The following PRDM6 variants were observed in gnomAD, a reference collection of about 807,000 sequenced individuals.
PRDM6 encodes the protein putative histone-lysine N-methyltransferase PRDM6.
PRDM6 carries 25 observed loss-of-function variants against 60.8 expected under a neutral mutation model. That is an observed-to-expected ratio of 0.41 (90% CI 0.30 to 0.57). The LOEUF (loss-of-function observed/expected upper bound fraction) is 0.57. PRDM6 is among the 20% of genes least tolerant of loss of function. The pLI, the probability that PRDM6 is intolerant of heterozygous loss-of-function variation, is 0.27. For synonymous variants in PRDM6, 407 were observed against 357.4 expected, an observed-to-expected ratio of 1.14 and a Z score of -1.57; for missense variants, 839 against 821.3, an observed-to-expected ratio of 1.02 and a Z score of -0.26.
chr5:123,168,166 T>C (rs892300924), intron 5 of PRDM6, among the ~76,000 whole-genome samples: 2 of 152,256 alleles, frequency 1.3e-5, no homozygotes, highest in Non-Finnish European at 2.9e-5. Context: ...ATATTGATTA[T>C]ATTCTTTTGC....
intron 2 of PRDM6, among the ~76,000 whole-genome samples, chr5:123,098,383 C>T (rs988542564): frequency 6.6e-6 from 1 of 152,244 alleles, no homozygotes; most frequent in African/African-American, 2.4e-5. Context: ...GGCTGGGTCG[C>T]GCCGGCGGGC....
chr5:123,154,501 A>G (rs1156718183), intron 3 of PRDM6, among the ~76,000 whole-genome samples: 1 of 152,168 alleles, frequency 6.6e-6, no homozygotes, highest in East Asian at 1.9e-4. Context: ...GTTCAAGAAA[A>G]GCAAAAAATA....
At chr5:123,103,303 C>T (rs1024213801) in intron 3 of PRDM6, among the ~76,000 whole-genome samples, 3 of 151,610 alleles carry the variant, frequency 2.0e-5, no homozygotes, top group Non-Finnish European at 4.4e-5. Context: ...TTGCTAGTTT[C>T]TTTTAGAATC....
At chr5:123,098,654 A>T (rs1450082026) in intron 2 of PRDM6, among the ~76,000 whole-genome samples, 1 of 152,150 alleles carries the variant, frequency 6.6e-6, no homozygotes, top group Admixed American at 6.5e-5. Flanking sequence ...CTTTATCTAC[A>T]GCTTCACCCA....
intron 3 of PRDM6, among the ~76,000 whole-genome samples, chr5:123,148,744 T>G (rs1253365312): frequency 1.3e-5 from 2 of 152,238 alleles, no homozygotes; most frequent in Non-Finnish European, 2.9e-5. Flanking sequence ...AAAATAGAAA[T>G]TTGATTGATA....
Position 123,093,515 on chromosome 5 carries a change from G to T in PRDM6, c.592+2909G>T, listed in dbSNP as rs192713276. Reference sequence around the variant, plus strand: ...GCTTTTCCAGTATGTTCCTAACTCCGTATCAGTTTACCCTGTGACTGAAGT... The same window carrying T: ...GCTTTTCCAGTATGTTCCTAACTCCTTATCAGTTTACCCTGTGACTGAAGT... On this transcript the variant is annotated intron_variant, in intron 2 of 7. Coordinates refer to ENST00000407847, the MANE Select transcript of PRDM6 (RefSeq NM_001136239.4). 4.1e-4 allele frequency among the ~76,000 whole-genome samples: 62 copies of T among 152,284 alleles called. 1 individual carries two copies. Among genetic ancestry groups the T allele is most frequent in the African/African-American group, 1.5e-3 (62 of 41,532 alleles).
At chr5:123,112,377 A>G (rs1764333133) in intron 3 of PRDM6, among the ~76,000 whole-genome samples, 2 of 152,138 alleles carry the variant, frequency 1.3e-5, no homozygotes, top group African/African-American at 4.8e-5. Flanking sequence ...CTTGCATGAC[A>G]TTTGTGATTT....
chr5:123,148,802 G>C (rs765425493), intron 3 of PRDM6, among the ~76,000 whole-genome samples: 21 of 152,246 alleles, frequency 1.4e-4, no homozygotes, highest in Non-Finnish European at 2.8e-4. Context: ...CTCATTTGGA[G>C]AATTTCAGTT....
chr5:123,156,114 C>G, intron 4 of PRDM6, 103 bp downstream of exon 4: 1 of 1,156,788 alleles, frequency 8.6e-7, no homozygotes, highest in Non-Finnish European at 1.2e-6. Flanking sequence ...CTGCAGAACT[C>G]TGCAAGGACT....
chr5:123,165,500 C>G (rs1394861887), intron 5 of PRDM6, among the ~76,000 whole-genome samples: 1 of 152,204 alleles, frequency 6.6e-6, no homozygotes, highest in African/African-American at 2.4e-5. Flanking sequence ...TTCACACTTT[C>G]TTTCTTTAGT....
chr5:123,143,993 T>C (rs1765180633), intron 3 of PRDM6, among the ~76,000 whole-genome samples: 1 of 152,204 alleles, frequency 6.6e-6, no homozygotes, highest in East Asian at 1.9e-4. Context: ...CCTGTCAGTC[T>C]ATCTCTGTGA....
intron 5 of PRDM6, among the ~76,000 whole-genome samples, chr5:123,165,446 C>T (rs771608083): frequency 1.5e-4 from 23 of 152,234 alleles, no homozygotes; most frequent in Non-Finnish European, 3.2e-4. Flanking sequence ...ACTAGTGTCA[C>T]CATCCACTCT....
At chr5:123,151,457 C>G (rs1580520747) in intron 3 of PRDM6, among the ~76,000 whole-genome samples, 1 of 152,272 alleles carries the variant, frequency 6.6e-6, no homozygotes, top group East Asian at 1.9e-4. Context: ...AGGAAGGCCT[C>G]AGCACACTCC....
chr5:123,109,753 A>G (rs1176231727), intron 3 of PRDM6, among the ~76,000 whole-genome samples: 2 of 152,236 alleles, frequency 1.3e-5, no homozygotes, highest in Admixed American at 1.3e-4. Flanking sequence ...ACCTGATTTC[A>G]GTAAGCAAAA....
At chr5:123,115,990 C>T (rs1764433701) in intron 3 of PRDM6, among the ~76,000 whole-genome samples, 1 of 152,194 alleles carries the variant, frequency 6.6e-6, no homozygotes, top group South Asian at 2.1e-4. Context: ...GTAGGAATAA[C>T]AGTGATCATT....
Position 123,191,531 on chromosome 5 carries a change from C to G in PRDM6, c.*4330C>G, listed in dbSNP as rs1158739264. 2.0e-5 allele frequency: 3 copies of G among 152,126 alleles called. No individual in the cohort carries two copies. Among genetic ancestry groups the G allele is most frequent in the Non-Finnish European group, 4.4e-5 (3 of 68,020 alleles). The allele number at this position is 152,126 out of a possible 1,614,324, so 9.4% of individuals were successfully genotyped here. A position where few individuals can be genotyped will look rare whatever the true frequency, so the allele number is the denominator to read the frequency against. On this transcript the variant is annotated 3_prime_UTR_variant, in exon 8 of 8. Transcript: ENST00000407847. ...GAATTTAATTTTTATTTCCCAGAGT[C>G]TTTACTAGATCCTGACATCAGATTT... is the stretch of plus-strand genomic sequence containing the variant.
intron 7 of PRDM6, among the ~76,000 whole-genome samples, chr5:123,184,134 A>G (rs1766229377): frequency 6.6e-6 from 1 of 152,222 alleles, no homozygotes; most frequent in South Asian, 2.1e-4. Flanking sequence ...CACATCATAC[A>G]TACAAAGCCC....
At position 123,180,196 on chromosome 5, in the gene PRDM6, C is replaced by T; in HGVS notation, c.1546C>T (p.Leu516=). Residue 516 remains leucine, a synonymous_variant, in exon 7 of 8, where the codon CTG becomes TTG. Coordinates refer to ENST00000407847, the MANE Select transcript of PRDM6 (RefSeq NM_001136239.4). ...CCAGTCCTTTTCCCAGCCTTCAGAA[C>T]TGAGGAACCACGTGGTCACTCACTC... ...CSQSFSQPSE[L]RNHVVTHSSD... 1 of 1,552,164 alleles carries T rather than the reference C, an allele frequency of 6.4e-7. No homozygotes were observed.
intron 3 of PRDM6, among the ~76,000 whole-genome samples, chr5:123,112,760 A>G (rs1270133332): frequency 2.0e-5 from 2 of 98,716 alleles, no homozygotes; most frequent in Non-Finnish European, 4.3e-5. Flanking sequence ...TGAACCCAAC[A>G]TTTTAGAGTT....
Sources: allele counts gnomAD v4.1 joint callset (sites outside exome capture counted in the v4.1 genomes callset), GRCh38; gene constraint gnomAD v4.1.1; transcripts MANE v1.5; gene names NCBI Gene and HGNC (gene_info 2026-07-23, HGNC 2026-07-21).